OPCML: variants seen among roughly 807,000 people sequenced by gnomAD.
The protein encoded by OPCML is opioid binding protein/cell adhesion molecule like, also known as opioid-binding protein/cell adhesion molecule.
In OPCML, 13 loss-of-function variants were observed where a neutral mutation model predicts 37.8. That is an observed-to-expected ratio of 0.34 (90% CI 0.22 to 0.55). The LOEUF (loss-of-function observed/expected upper bound fraction) is 0.55. Ranked by LOEUF, OPCML falls within the 20% of genes least tolerant of loss-of-function variation. The pLI is 0.91. For missense variants in OPCML, 341 were observed against 435.6 expected (o/e 0.78, Z 1.93); for synonymous variants, 176 against 168.8 (o/e 1.04, Z -0.33).
At chr11:133,172,504 G>A (rs1020532113) in intron 1 of OPCML, among the ~76,000 whole-genome samples, 1 of 152,166 alleles carries the variant, frequency 6.6e-6, no homozygotes, top group African/African-American at 2.4e-5. Flanking sequence ...CCCAGAGAGA[G>A]GGAGAATCAG....
chr11:132,617,890 C>T (rs141219999), intron 3 of OPCML, among the ~76,000 whole-genome samples: 1 of 152,308 alleles, frequency 6.6e-6, no homozygotes, highest in East Asian at 1.9e-4. Context: ...GACCCTGTCT[C>T]CCAAAATAAT....
At chr11:133,485,399 G>A (rs1271536218) in intron 1 of OPCML, among the ~76,000 whole-genome samples, 6 of 152,072 alleles carry the variant, frequency 3.9e-5, no homozygotes, top group Admixed American at 3.9e-4. Context: ...GAATGAACAG[G>A]GAAGTCACCC....
At chr11:132,462,425 G>T (rs1310983672) in intron 4 of OPCML, among the ~76,000 whole-genome samples, 1 of 152,194 alleles carries the variant, frequency 6.6e-6, no homozygotes, top group African/African-American at 2.4e-5. Flanking sequence ...CCTCTCTGAG[G>T]ATTTGAGCCC....
At chr11:133,023,930 T>C (rs1947499888) in intron 1 of OPCML, among the ~76,000 whole-genome samples, 1 of 152,082 alleles carries the variant, frequency 6.6e-6, no homozygotes, top group African/African-American at 2.4e-5. Flanking sequence ...ATTCTATGCA[T>C]CATAAGGTGA....
rs987312500 is a variant in OPCML, at chr11:133,239,874, C to G, written c.61+292390G>C. On this transcript the variant is annotated intron_variant, in intron 1 of 7. Transcript: ENST00000524381. ...CAGGTAGGGGCTGGGTGTGTGTGCT[C>G]GCAAGCTTTTATAAAAAGGAATAAA... Among the ~76,000 whole-genome samples, 15 of 151,932 alleles carry G rather than the reference C, an allele frequency of 9.9e-5. 1 individual carries two copies. The East Asian group carries it at 2.9e-3, about 29-fold the overall frequency.
chr11:132,721,931 G>A (rs1441537312), intron 2 of OPCML, among the ~76,000 whole-genome samples: 5 of 138,248 alleles, frequency 3.6e-5, no homozygotes, highest in African/African-American at 1.3e-4. Flanking sequence ...CAAAGGGAAT[G>A]TATTTTTTCT....
intron 1 of OPCML, among the ~76,000 whole-genome samples, chr11:133,171,837 C>G (rs1950292685): frequency 1.3e-5 from 2 of 152,238 alleles, no homozygotes; most frequent in South Asian, 4.2e-4. Flanking sequence ...CAAGAACCTC[C>G]TTAGGGGAGA....
At chr11:133,370,948 T>C (rs997405784) in intron 1 of OPCML, among the ~76,000 whole-genome samples, 1 of 152,138 alleles carries the variant, frequency 6.6e-6, no homozygotes, top group Non-Finnish European at 1.5e-5. Flanking sequence ...ATTCAGAATA[T>C]ACAAGAAACT....
intron 1 of OPCML, among the ~76,000 whole-genome samples, chr11:133,311,733 C>T (rs1303464984): frequency 6.6e-6 from 1 of 152,142 alleles, no homozygotes; most frequent in Non-Finnish European, 1.5e-5. Context: ...GGGCAGGAGT[C>T]CATTGTCTGA....
At chr11:132,426,634 G>A (rs1459220590) in intron 7 of OPCML, among the ~76,000 whole-genome samples, 1 of 152,138 alleles carries the variant, frequency 6.6e-6, no homozygotes, top group African/African-American at 2.4e-5. Context: ...GTTTCACCAT[G>A]TTGCCAAGGC....
chr11:133,095,525 T>C lies in OPCML; in HGVS notation c.62-152515A>G, dbSNP rs555802586. 5.4e-5 allele frequency among the ~76,000 whole-genome samples: 8 copies of C among 148,208 alleles called. No homozygotes were observed. In the South Asian group the frequency reaches 1.8e-3, roughly 33 times the overall value. ...AAAATGAAAGGATGGATTTAGTACC[T>C]TCAAAAAAATGCAGAAAGCTTACCT... On this transcript the variant is annotated intron_variant, in intron 1 of 7. Coordinates refer to ENST00000524381, the MANE Select transcript of OPCML (RefSeq NM_001012393.5).
intron 7 of OPCML, among the ~76,000 whole-genome samples, chr11:132,425,843 T>C (rs2095976201): frequency 6.6e-6 from 1 of 152,240 alleles, no homozygotes; most frequent in South Asian, 2.1e-4. Flanking sequence ...GCGTATTCAG[T>C]AGCCCAGTAC....
chr11:132,808,031 T>C (rs1279463736), intron 2 of OPCML, among the ~76,000 whole-genome samples: 1 of 152,226 alleles, frequency 6.6e-6, no homozygotes, highest in Non-Finnish European at 1.5e-5. Context: ...TTCTTTCTGC[T>C]GGCAATGAAT....
rs78579364 is a variant in OPCML at position 133,518,974 on chromosome 11, C to T, written c.61+13290G>A. Among the ~76,000 whole-genome samples, 668 of 152,168 alleles carry T rather than the reference C, an allele frequency of 4.4e-3. 4 individuals are homozygous for T. The highest frequency in any genetic ancestry group is 0.015 in the African/African-American group (637 of 41,492). ...GGTGCTTGCCCTGTGGGTGACAGTC[C>T]CTGAAAGCCTCTCTCCTCCTCTTCA... is the stretch of plus-strand genomic sequence containing the variant. On this transcript the variant is annotated intron_variant, in intron 1 of 7. Coordinates refer to ENST00000524381, the MANE Select transcript of OPCML (RefSeq NM_001012393.5).
At chr11:133,485,943 G>T (rs1324125363) in intron 1 of OPCML, among the ~76,000 whole-genome samples, 34 of 151,794 alleles carry the variant, frequency 2.2e-4, no homozygotes, top group Admixed American at 2.2e-3. Context: ...TGTTTAAAAT[G>T]GCCCACAGGC....
At chr11:132,914,133 G>A (rs747292347) in intron 2 of OPCML, among the ~76,000 whole-genome samples, 5 of 152,220 alleles carry the variant, frequency 3.3e-5, no homozygotes, top group Non-Finnish European at 7.3e-5. Flanking sequence ...CCCTGGCAAT[G>A]TGCTGACACA....
intron 1 of OPCML, among the ~76,000 whole-genome samples, chr11:133,161,843 A>G (rs2137218835): frequency 6.6e-6 from 1 of 152,288 alleles, no homozygotes; most frequent in East Asian, 1.9e-4. Flanking sequence ...GACACAGAAG[A>G]AAACAATGCT....
Position 133,108,787 on chromosome 11 carries a change from G to A in OPCML, c.62-165777C>T, listed in dbSNP as rs183445457. On this transcript the variant is annotated intron_variant, in intron 1 of 7. Coordinates refer to ENST00000524381, the MANE Select transcript of OPCML (RefSeq NM_001012393.5). ...GTCTCCCATTGTTACCAAAGACAGC[G>A]CTTTGCAAACTACAGGTGATAAAAA... is the stretch of plus-strand genomic sequence containing the variant. Among the ~76,000 whole-genome samples the A allele has an allele frequency of 6.5e-5, 9 of 139,134 alleles. No homozygotes were observed. The East Asian group carries it at 1.1e-3, about 17-fold the overall frequency. The allele number at this position is 139,134 out of a possible 152,430, so 91.3% of individuals were successfully genotyped here. A position where few individuals can be genotyped will look rare whatever the true frequency, so the allele number is the denominator to read the frequency against.
chr11:132,950,866 T>C (rs950442423), intron 1 of OPCML, among the ~76,000 whole-genome samples: 3 of 152,178 alleles, frequency 2.0e-5, no homozygotes, highest in Non-Finnish European at 4.4e-5. Flanking sequence ...CTAACATTGT[T>C]TGGAGATGAG....
Sources: allele counts gnomAD v4.1 joint callset (sites outside exome capture counted in the v4.1 genomes callset), GRCh38; gene constraint gnomAD v4.1.1; transcripts MANE v1.5; gene names NCBI Gene and HGNC (gene_info 2026-07-23, HGNC 2026-07-21).